The following RBPJ variants were observed in gnomAD, a reference collection of about 807,000 sequenced individuals.
RBPJ encodes the protein recombining binding protein suppressor of hairless.
In RBPJ, 9 loss-of-function variants were observed where a neutral mutation model predicts 67.8. The observed-to-expected ratio is 0.13, with a 90% CI of 0.08 to 0.23. The LOEUF is 0.23. Among genes scored for constraint, RBPJ ranks in the 10% least tolerant of loss-of-function variants. The pLI, the probability that RBPJ is intolerant of heterozygous loss-of-function variation, is 1.00. For missense variants in RBPJ, 305 were observed against 595.6 expected (o/e 0.51, Z 5.08); for synonymous variants, 198 against 203.3 (o/e 0.97, Z 0.22).
the RBPJ span, among the ~76,000 whole-genome samples, chr4:26,135,966 T>G: frequency 6.6e-6 from 1 of 152,162 alleles, no homozygotes; most frequent in African/African-American, 2.4e-5. Flanking sequence ...AGAGGTCTAG[T>G]TGACTCACAT....
chr4:26,210,756 T>C (rs201371872), intron 1 of RBPJ, among the ~76,000 whole-genome samples: 1 of 108,346 alleles, frequency 9.2e-6, no homozygotes, highest in Non-Finnish European at 2.0e-5. Context: ...TCTTTCCTTC[T>C]TTCTTTCTTT....
intron 1 of RBPJ, among the ~76,000 whole-genome samples, chr4:26,177,095 C>T (rs1403474434): frequency 1.3e-5 from 2 of 152,126 alleles, no homozygotes; most frequent in East Asian, 1.9e-4. Flanking sequence ...GTGTGCCGCT[C>T]CTAGATATTC....
intron 1 of RBPJ, among the ~76,000 whole-genome samples, chr4:26,266,051 G>T (rs111870879): frequency 3.3e-5 from 5 of 151,146 alleles, no homozygotes; most frequent in African/African-American, 1.2e-4. Flanking sequence ...AAGGATCTTG[G>T]TTCCAAGGCA....
At chr4:26,139,891 A>G in the RBPJ span, among the ~76,000 whole-genome samples, 2 of 152,190 alleles carry the variant, frequency 1.3e-5, no homozygotes, top group Non-Finnish European at 2.9e-5. Context: ...TTCTACAAAG[A>G]TGCTCCTGTG....
the RBPJ span, among the ~76,000 whole-genome samples, chr4:26,146,572 C>T: frequency 4.6e-5 from 7 of 152,140 alleles, no homozygotes; most frequent in Non-Finnish European, 1.0e-4. Flanking sequence ...TTGTGCTTCA[C>T]AAGACACCAT....
the RBPJ span, among the ~76,000 whole-genome samples, chr4:26,146,522 T>C: frequency 2.0e-5 from 3 of 152,228 alleles, no homozygotes; most frequent in African/African-American, 7.2e-5. Context: ...GTGTGACCTG[T>C]AAAAGAATAC....
chr4:26,344,562 T>C (rs1370335109), intron 1 of RBPJ, among the ~76,000 whole-genome samples: 1 of 152,216 alleles, frequency 6.6e-6, no homozygotes, highest in Non-Finnish European at 1.5e-5. Flanking sequence ...AAAGTAGTTT[T>C]ACTCAGAAAG....
chr4:26,239,309 A>T (rs1719555528), intron 1 of RBPJ, among the ~76,000 whole-genome samples: 1 of 152,216 alleles, frequency 6.6e-6, no homozygotes, highest in Admixed American at 6.5e-5. Flanking sequence ...TTTAAGGAAC[A>T]ATCTGAGATT....
chr4:26,240,752 C>T (rs748348294), intron 1 of RBPJ, among the ~76,000 whole-genome samples: 34 of 152,072 alleles, frequency 2.2e-4, no homozygotes, highest in Non-Finnish European at 4.0e-4. Flanking sequence ...GAAATTTTCA[C>T]ACAGAAGATG....
At position 26,240,815 on chromosome 4, in the gene RBPJ, C is replaced by T. The variant is rs184852020; in HGVS notation, c.-167+77201C>T. On this transcript the variant is annotated intron_variant, in intron 1 of 4. Transcript: ENST00000512351. ...CTTCGTTTTGTGCAATATCCTGTGA[C>T]CCCCAATAGTTGATGAGAAAGAGGG... Among the ~76,000 whole-genome samples, 685 of 152,204 alleles carry T rather than the reference C, an allele frequency of 4.5e-3. 2 individuals carry two copies. The highest frequency in any genetic ancestry group is 8.3e-3 in the Admixed American group (127 of 15,286).
intron 1 of RBPJ, among the ~76,000 whole-genome samples, chr4:26,346,118 TG>T (rs1458668174): frequency 6.6e-6 from 1 of 152,182 alleles, no homozygotes; most frequent in Non-Finnish European, 1.5e-5. Context: ...GCCACATTGT[TG>T]GAGTAAATAC....
intron 4 of RBPJ, among the ~76,000 whole-genome samples, chr4:26,416,487 C>T (rs1734602278): frequency 6.6e-6 from 1 of 152,156 alleles, no homozygotes; most frequent in Non-Finnish European, 1.5e-5. Context: ...ACCTCAGCCT[C>T]CCAAAGTGCT....
upstream of RBPJ, among the ~76,000 whole-genome samples, chr4:26,318,334 C>T (rs937611995): frequency 6.6e-6 from 1 of 152,146 alleles, no homozygotes; most frequent in Middle Eastern, 3.4e-3. Context: ...CAATCTGAAA[C>T]GTGGCTGATT....
At chr4:26,311,637 C>T (rs550769377) in intron 1 of RBPJ, among the ~76,000 whole-genome samples, 15 of 152,108 alleles carry the variant, frequency 9.9e-5, no homozygotes, top group Non-Finnish European at 8.8e-5. Context: ...TTTGGATACA[C>T]ACCTAGGAAC....
the RBPJ span, among the ~76,000 whole-genome samples, chr4:26,125,828 T>C: frequency 6.6e-6 from 1 of 151,922 alleles, no homozygotes; most frequent in Non-Finnish European, 1.5e-5. Context: ...CCCTCTTCTT[T>C]AGTTACCAGC....
chr4:26,139,482 A>T, the RBPJ span, among the ~76,000 whole-genome samples: 1 of 152,206 alleles, frequency 6.6e-6, no homozygotes, highest in Non-Finnish European at 1.5e-5. Flanking sequence ...TCCCAGCTGG[A>T]GATGCAGACA....
chr4:26,342,801 T>C (rs1725683261), intron 1 of RBPJ, among the ~76,000 whole-genome samples: 1 of 152,222 alleles, frequency 6.6e-6, no homozygotes, highest in Non-Finnish European at 1.5e-5. Flanking sequence ...TGCTTCACTT[T>C]TCTTCAGTGT....
At chr4:26,309,579 T>C (rs975508279) in intron 1 of RBPJ, among the ~76,000 whole-genome samples, 1 of 152,234 alleles carries the variant, frequency 6.6e-6, no homozygotes, top group Non-Finnish European at 1.5e-5. Flanking sequence ...ATTTGGTTTG[T>C]GGTAGAAGTA....
At chr4:26,125,872 G>A in the RBPJ span, among the ~76,000 whole-genome samples, 1 of 152,082 alleles carries the variant, frequency 6.6e-6, no homozygotes, top group Admixed American at 6.5e-5. Flanking sequence ...GGATGCCTGA[G>A]GATTCCACCC....
Sources: allele counts gnomAD v4.1 joint callset (sites outside exome capture counted in the v4.1 genomes callset), GRCh38; gene constraint gnomAD v4.1.1; transcripts MANE v1.5; gene names NCBI Gene and HGNC (gene_info 2026-07-23, HGNC 2026-07-21).